Variants in RBMS3 observed in about 807,000 individuals in gnomAD.
The protein encoded by RBMS3 is RNA binding motif single stranded interacting protein 3, also known as RNA-binding motif, single-stranded-interacting protein 3.
Under a neutral mutation model 66.8 loss-of-function variants are expected in RBMS3, and 27 were observed. The observed-to-expected ratio is 0.40, with a 90% confidence interval of 0.30 to 0.56. The LOEUF (loss-of-function observed/expected upper bound fraction) is 0.56. RBMS3 is among the 20% of genes least tolerant of loss of function. The probability of loss-of-function intolerance (pLI) is 0.40; values close to 1 mark genes in which losing one functional copy is unlikely to be tolerated. For missense variants in RBMS3, 513 were observed against 549.5 expected (o/e 0.93, Z 0.66); for synonymous variants, 188 against 183.0 (o/e 1.03, Z -0.22).
Position 29,865,250 on chromosome 3 carries a change from G to A in RBMS3, c.638-3608G>A, listed in dbSNP as rs76432468. Among the ~76,000 whole-genome samples, 738 of 152,198 alleles carry A rather than the reference G, an allele frequency of 4.8e-3. 22 individuals carry two copies. In the East Asian group the frequency reaches 0.073, roughly 15 times the overall value. On this transcript the variant is annotated intron_variant, in intron 6 of 14. Coordinates refer to ENST00000383767, the MANE Select transcript of RBMS3 (RefSeq NM_001003793.3). ...TATGTGTTAAAGCCTATGGAAATAT[G>A]AGCCTATAGAAACTACCTAAAGAGA... is the stretch of plus-strand genomic sequence containing the variant.
intron 1 of RBMS3, among the ~76,000 whole-genome samples, chr3:29,307,189 C>T (rs2034069685): frequency 6.6e-6 from 1 of 151,894 alleles, no homozygotes; most frequent in Non-Finnish European, 1.5e-5. Context: ...CCAAATGTTT[C>T]CACCTGCATT....
intron 6 of RBMS3, among the ~76,000 whole-genome samples, chr3:29,839,564 A>G (rs1409532644): frequency 1.3e-5 from 2 of 151,930 alleles, no homozygotes; most frequent in African/African-American, 2.4e-5. Flanking sequence ...TTGATTATCA[A>G]TAGTCCTCAG....
At chr3:29,555,878 A>G (rs2046343047) in intron 3 of RBMS3, among the ~76,000 whole-genome samples, 1 of 104,746 alleles carries the variant, frequency 9.5e-6, no homozygotes. Context: ...GAAAAGACAT[A>G]TTTCAAAAGC....
chr3:29,658,487 A>T (rs756335015), intron 4 of RBMS3, among the ~76,000 whole-genome samples: 1 of 152,214 alleles, frequency 6.6e-6, no homozygotes, highest in Non-Finnish European at 1.5e-5. Flanking sequence ...AGTTATAGTT[A>T]TATCTTTATC....
At chr3:29,694,091 T>C (rs1336906026) in intron 4 of RBMS3, among the ~76,000 whole-genome samples, 1 of 151,948 alleles carries the variant, frequency 6.6e-6, no homozygotes, top group Non-Finnish European at 1.5e-5. Flanking sequence ...ATTTGAAACA[T>C]GTATGGAATG....
intron 2 of RBMS3, among the ~76,000 whole-genome samples, chr3:29,444,702 GTCTT>G (rs1055300893): frequency 1.0e-4 from 15 of 146,738 alleles, no homozygotes; most frequent in African/African-American, 3.7e-4. Flanking sequence ...GAGCAGGAAA[GTCTT>G]TGTAGACAAG....
intron 4 of RBMS3, among the ~76,000 whole-genome samples, chr3:29,677,182 C>A (rs1168102380): frequency 2.6e-4 from 40 of 152,080 alleles, no homozygotes; most frequent in Admixed American, 2.6e-3. Flanking sequence ...CCTCATAATC[C>A]AATCACCTCC....
intron 2 of RBMS3, among the ~76,000 whole-genome samples, chr3:29,466,340 G>T (rs73828668): frequency 0.026 from 4,002 of 152,056 alleles, 177 homozygotes; most frequent in African/African-American, 0.092. Context: ...TTTCACACTC[G>T]TCTTTCAAGT....
chr3:29,599,546 A>G (rs1559499974), intron 4 of RBMS3, among the ~76,000 whole-genome samples: 1 of 152,138 alleles, frequency 6.6e-6, no homozygotes, highest in Non-Finnish European at 1.5e-5. Flanking sequence ...ACATCTTTCC[A>G]GAGATGACAT....
At position 29,965,017 on chromosome 3, in the gene RBMS3, A is replaced by G. The variant is rs555540586; in HGVS notation, c.1098+20763A>G. On this transcript the variant is annotated intron_variant, in intron 12 of 14. Coordinates refer to ENST00000383767, the MANE Select transcript of RBMS3 (RefSeq NM_001003793.3). ...ACCTCACTTAGAATAATAGTCTCCA[A>G]TCTCATCCAGGTCACTGCAAATGCT... is the stretch of plus-strand genomic sequence containing the variant. 1.2e-4 allele frequency among the ~76,000 whole-genome samples: 18 copies of G among 152,228 alleles called. No homozygotes were observed. In the East Asian group the frequency reaches 2.7e-3, roughly 23 times the overall value.
chr3:29,950,715 G>T (rs2149714610), intron 12 of RBMS3, among the ~76,000 whole-genome samples: 1 of 151,952 alleles, frequency 6.6e-6, no homozygotes. Context: ...TTTTCTCTCA[G>T]TTAAAATTTT....
At chr3:29,800,113 A>C (rs768990814) in intron 6 of RBMS3, among the ~76,000 whole-genome samples, 14 of 152,234 alleles carry the variant, frequency 9.2e-5, no homozygotes, top group East Asian at 1.9e-4. Flanking sequence ...AAAATTAATC[A>C]ATTTGTGCTG....
chr3:29,852,117 C>A (rs973904932), intron 6 of RBMS3, among the ~76,000 whole-genome samples: 1 of 152,116 alleles, frequency 6.6e-6, no homozygotes, highest in Non-Finnish European at 1.5e-5. Flanking sequence ...TGATAACTAG[C>A]TTAGCCGTAT....
chr3:29,512,592 T>C (rs1360763018), intron 3 of RBMS3, among the ~76,000 whole-genome samples: 1 of 152,184 alleles, frequency 6.6e-6, no homozygotes, highest in Non-Finnish European at 1.5e-5. Flanking sequence ...TATGACTTTC[T>C]TTTCATCAAG....
chr3:29,691,879 A>T (rs1302141117), intron 4 of RBMS3, among the ~76,000 whole-genome samples: 1 of 150,852 alleles, frequency 6.6e-6, no homozygotes, highest in Non-Finnish European at 1.5e-5. Context: ...TTCAAATCTA[A>T]CACTGGTAGC....
At chr3:29,739,027 G>A (rs1210917057) in intron 4 of RBMS3, among the ~76,000 whole-genome samples, 1 of 152,142 alleles carries the variant, frequency 6.6e-6, no homozygotes, top group Non-Finnish European at 1.5e-5. Flanking sequence ...ACAATGCTTA[G>A]CATATTATGA....
intron 12 of RBMS3, among the ~76,000 whole-genome samples, chr3:29,948,387 A>G (rs943192396): frequency 1.3e-5 from 2 of 151,752 alleles, no homozygotes; most frequent in Non-Finnish European, 2.9e-5. Flanking sequence ...ATTGAAGCCT[A>G]TTTCTTATGC....
chr3:29,933,940 A>T (rs942896534), intron 10 of RBMS3: 2 of 152,132 alleles, frequency 1.3e-5, no homozygotes, highest in South Asian at 4.1e-4. Context: ...TTCCAAGTGC[A>T]GGCATTCGAT....
intron 3 of RBMS3, among the ~76,000 whole-genome samples, chr3:29,550,160 G>A (rs1257754888): frequency 2.0e-5 from 3 of 152,148 alleles, no homozygotes; most frequent in African/African-American, 7.2e-5. Context: ...AGTTAGGACA[G>A]CGTAGGCTTT....
Sources: allele counts gnomAD v4.1 joint callset (sites outside exome capture counted in the v4.1 genomes callset), GRCh38; gene constraint gnomAD v4.1.1; transcripts MANE v1.5; gene names NCBI Gene and HGNC (gene_info 2026-07-23, HGNC 2026-07-21).